Variants in ERC1 observed in about 807,000 individuals in gnomAD.
ERC1 encodes the protein RAB6 interacting protein 2.
A neutral mutation model predicts 132.0 loss-of-function variants in ERC1; 56 were observed. The ratio of observed to expected loss-of-function variants is 0.42; its 90% CI spans 0.34 to 0.53. ERC1 has a LOEUF of 0.53. Among genes scored for constraint, ERC1 ranks in the 20% least tolerant of loss-of-function variants. ERC1 has a pLI of 0.03. For missense variants in ERC1, 1,202 were observed against 1,349.9 expected, an observed-to-expected ratio of 0.89 and a Z score of 1.72; for synonymous variants, 478 against 476.1, an observed-to-expected ratio of 1.00 and a Z score of -0.05.
At chr12:1,061,876 A>G (rs1254794440) in intron 2 of ERC1, among the ~76,000 whole-genome samples, 1 of 150,980 alleles carries the variant, frequency 6.6e-6, no homozygotes, top group East Asian at 1.9e-4. Flanking sequence ...GTTTATTTAA[A>G]ATCTGTCTTC....
At chr12:1,251,973 CT>C (rs1000124756) in intron 13 of ERC1, among the ~76,000 whole-genome samples, 1 of 151,736 alleles carries the variant, frequency 6.6e-6, no homozygotes, top group East Asian at 1.9e-4. Context: ...CAATGAGATT[CT>C]TTTTTTTCTT....
At chr12:1,420,729 A>G (rs1565401692) in intron 17 of ERC1, among the ~76,000 whole-genome samples, 4 of 152,130 alleles carry the variant, frequency 2.6e-5, no homozygotes. Flanking sequence ...TGCTGGGATT[A>G]CAGGCATGAG....
chr12:1,331,021 A>C (rs916502794), intron 15 of ERC1, among the ~76,000 whole-genome samples: 5 of 152,276 alleles, frequency 3.3e-5, no homozygotes, highest in Non-Finnish European at 5.9e-5. Context: ...ATTGGAGTGT[A>C]TACTATACCT....
At chr12:1,055,219 A>T (rs1972730260) in intron 2 of ERC1, among the ~76,000 whole-genome samples, 1 of 151,600 alleles carries the variant, frequency 6.6e-6, no homozygotes, top group East Asian at 1.9e-4. Flanking sequence ...TCACTCTATC[A>T]CCCAGGCTGG....
intron 11 of ERC1, 105 bp downstream of exon 11, chr12:1,183,526 G>A (rs978352609): frequency 3.0e-5 from 20 of 663,484 alleles, no homozygotes; most frequent in Admixed American, 1.7e-4. Context: ...ATAATAATCC[G>A]CCAAACTTTA....
intron 8 of ERC1, among the ~76,000 whole-genome samples, chr12:1,176,974 G>C (rs1953798326): frequency 6.6e-6 from 1 of 152,216 alleles, no homozygotes; most frequent in African/African-American, 2.4e-5. Flanking sequence ...ACATGCTGCA[G>C]CTTCTCCGTC....
At position 1,494,064 on chromosome 12, in the gene ERC1, C is replaced by T. The variant is rs2094341812; in HGVS notation, c.*3834C>T. 1 of 231,872 alleles carries T rather than the reference C, an allele frequency of 4.3e-6. No individual in the cohort carries two copies. The highest frequency in any genetic ancestry group is 2.2e-5 in the African/African-American group (1 of 45,106). 14.4% of individuals were successfully genotyped at this position (231,872 alleles called of 1,614,324 possible). ...AGTGTAGGCCCGGTGTCAAGACCCTCAGAGTCTTTGAGGAAAGAGCCAAGC... is the reference window on the plus strand; with the variant it reads ...AGTGTAGGCCCGGTGTCAAGACCCTTAGAGTCTTTGAGGAAAGAGCCAAGC... On this transcript the variant is annotated 3_prime_UTR_variant, in exon 19 of 19. Coordinates refer to ENST00000360905, the MANE Select transcript of ERC1 (RefSeq NM_178040.4).
At chr12:1,293,342 A>G (rs1292738755) in intron 15 of ERC1, among the ~76,000 whole-genome samples, 2 of 147,868 alleles carry the variant, frequency 1.4e-5, no homozygotes, top group African/African-American at 5.0e-5. Context: ...AGTCCCAGCT[A>G]CTCGGGAGGC....
intron 15 of ERC1, among the ~76,000 whole-genome samples, chr12:1,355,933 C>T (rs769108519): frequency 1.3e-5 from 2 of 152,156 alleles, no homozygotes; most frequent in South Asian, 2.1e-4. Context: ...TGGCTGGGTG[C>T]GGTGGCTTAC....
chr12:1,474,171 A>G (rs2154428734), intron 18 of ERC1, among the ~76,000 whole-genome samples: 1 of 152,340 alleles, frequency 6.6e-6, no homozygotes, highest in South Asian at 2.1e-4. Context: ...GGCTCCGAAC[A>G]TCATGCCAGA....
At chr12:1,244,619 TC>T in intron 13 of ERC1, 1 of 442,024 alleles carries the variant, frequency 2.3e-6, no homozygotes, top group Non-Finnish European at 4.6e-6. Context: ...TCTACCGGAT[TC>T]AAGTGATTCT....
intron 6 of ERC1, chr12:1,115,661 C>T: frequency 2.2e-6 from 1 of 463,750 alleles, no homozygotes; most frequent in Non-Finnish European, 3.8e-6. Flanking sequence ...GGACATTTCC[C>T]TATTGGTTGA....
intron 3 of ERC1, among the ~76,000 whole-genome samples, chr12:1,096,199 A>T (rs1475685894): frequency 6.6e-6 from 1 of 152,162 alleles, no homozygotes; most frequent in East Asian, 1.9e-4. Flanking sequence ...AAGTGTTTGG[A>T]TTACAGGCAT....
intron 16 of ERC1, among the ~76,000 whole-genome samples, chr12:1,383,061 C>G (rs929988633): frequency 1.3e-5 from 2 of 152,202 alleles, no homozygotes; most frequent in African/African-American, 4.8e-5. Flanking sequence ...TGATAAGACT[C>G]TTCCCTTCAT....
intron 17 of ERC1, among the ~76,000 whole-genome samples, chr12:1,409,956 G>T (rs560292497): frequency 1.3e-5 from 2 of 152,008 alleles, no homozygotes; most frequent in Non-Finnish European, 2.9e-5. Context: ...TGATCTGCCC[G>T]CCTTGGCCTC....
chr12:1,129,652 GT>G (rs1317877889), intron 7 of ERC1, among the ~76,000 whole-genome samples: 1 of 152,178 alleles, frequency 6.6e-6, no homozygotes, highest in Non-Finnish European at 1.5e-5. Flanking sequence ...AATCTTCAAA[GT>G]TTAGTGAAAA....
At chr12:1,394,048 C>T (rs374077970) in intron 16 of ERC1, among the ~76,000 whole-genome samples, 1 of 61,642 alleles carries the variant, frequency 1.6e-5, no homozygotes, top group African/African-American at 6.9e-5. Flanking sequence ...AAAAAAACCA[C>T]AAAGCATTAA....
chr12:1,079,281 C>A lies in ERC1; in HGVS notation c.670-3883C>A, dbSNP rs1255395393. ...ATACAGATAGAAATGATTTGTAATA[C>A]GACAAGTCGATATACAGAGATACAG... On this transcript the variant is annotated intron_variant, in intron 2 of 18. Transcript: ENST00000360905. 5.1e-5 allele frequency among the ~76,000 whole-genome samples: 7 copies of A among 136,172 alleles called. No homozygotes were observed. The East Asian group carries it at 1.2e-3, about 24-fold the overall frequency. 89.3% of individuals were successfully genotyped at this position (136,172 alleles called of 152,430 possible).
intron 16 of ERC1, among the ~76,000 whole-genome samples, chr12:1,394,192 A>G (rs1370462682): frequency 6.6e-6 from 1 of 151,618 alleles, no homozygotes; most frequent in Non-Finnish European, 1.5e-5. Flanking sequence ...CGAGGTCAGG[A>G]GATCGAGACC....
Sources: gnomAD v4.1 joint callset for allele counts (sites outside exome capture counted in the v4.1 genomes callset) on GRCh38, gnomAD v4.1.1 for gene constraint, MANE v1.5 for transcripts, NCBI Gene and HGNC (gene_info 2026-07-23, HGNC 2026-07-21) for gene names.